SNAP91: variants seen among roughly 807,000 people sequenced by gnomAD.
The protein encoded by SNAP91 is clathrin coat assembly protein AP180.
SNAP91 carries 27 observed loss-of-function variants against 100.3 expected under a neutral mutation model. That is an observed-to-expected ratio of 0.27 (90% CI 0.20 to 0.37). The LOEUF (loss-of-function observed/expected upper bound fraction) is 0.37. Among genes scored for constraint, SNAP91 ranks in the 10% least tolerant of loss-of-function variants. The pLI is 1.00. For synonymous variants in SNAP91, 404 were observed against 398.6 expected (o/e 1.01, Z -0.16); for missense variants, 986 against 1,123.7 (o/e 0.88, Z 1.75).
At position 83,595,751 on chromosome 6, in the gene SNAP91, C is replaced by T. The variant is rs764819459; in HGVS notation, c.1325-1270G>A. 5.3e-5 allele frequency among the ~76,000 whole-genome samples: 8 copies of T among 152,180 alleles called. No homozygotes were observed. The South Asian group carries it at 8.3e-4, about 16-fold the overall frequency. ...TCATATATACTTGGGAAGGGCTACA[C>T]AGTACATGCTCTTCCTTGGTGATTT... is the stretch of plus-strand genomic sequence containing the variant. On this transcript the variant is annotated intron_variant, in intron 16 of 29. Coordinates refer to ENST00000369694, the MANE Select transcript of SNAP91 (RefSeq NM_001242792.2).
At chr6:83,651,604 T>C (rs890275104) in intron 7 of SNAP91, among the ~76,000 whole-genome samples, 2 of 152,192 alleles carry the variant, frequency 1.3e-5, no homozygotes, top group Admixed American at 6.5e-5. Flanking sequence ...TGAGAGCAGA[T>C]GGTTGTATGA....
chr6:83,599,181 T>C (rs1007360961), intron 16 of SNAP91, among the ~76,000 whole-genome samples: 4 of 152,080 alleles, frequency 2.6e-5, no homozygotes, highest in African/African-American at 9.7e-5. Context: ...CAGAAATAAA[T>C]GACAAACAAA....
chr6:83,676,452 C>T (rs928027743), intron 2 of SNAP91, among the ~76,000 whole-genome samples: 2 of 152,150 alleles, frequency 1.3e-5, no homozygotes, highest in Admixed American at 6.5e-5. Flanking sequence ...AGAAAGCCAG[C>T]GATTCAGTCA....
intron 2 of SNAP91, among the ~76,000 whole-genome samples, chr6:83,697,580 G>A (rs900638612): frequency 3.3e-5 from 5 of 151,830 alleles, no homozygotes; most frequent in Non-Finnish European, 7.4e-5. Flanking sequence ...AGATTAAATC[G>A]TTGTCAGATC....
At chr6:83,674,224 A>G (rs1229236075) in intron 2 of SNAP91, among the ~76,000 whole-genome samples, 1 of 152,038 alleles carries the variant, frequency 6.6e-6, no homozygotes, top group African/African-American at 2.4e-5. Context: ...CGGGAGTTTG[A>G]AACCTGATCT....
At chr6:83,679,321 T>C (rs73751575) in intron 2 of SNAP91, among the ~76,000 whole-genome samples, 1 of 152,246 alleles carries the variant, frequency 6.6e-6, no homozygotes, top group African/African-American at 2.4e-5. Context: ...TCCATAAATA[T>C]CCTTAATTCC....
intron 26 of SNAP91, among the ~76,000 whole-genome samples, chr6:83,566,761 C>A (rs1797213925): frequency 6.6e-6 from 1 of 152,116 alleles, no homozygotes; most frequent in African/African-American, 2.4e-5. Flanking sequence ...CTTTACCAAT[C>A]AGAAATTGCC....
chr6:83,557,740 T>G (rs9444088), intron 28 of SNAP91, among the ~76,000 whole-genome samples: 24,904 of 151,750 alleles, frequency 0.16, 2,267 homozygotes, highest in East Asian at 0.26. Flanking sequence ...TAGAGAGAGA[T>G]ATATATATAA....
intron 14 of SNAP91, among the ~76,000 whole-genome samples, chr6:83,603,755 A>T (rs2095438438): frequency 1.3e-5 from 2 of 152,180 alleles, no homozygotes; most frequent in Non-Finnish European, 2.9e-5. Context: ...GCTGGATTTC[A>T]GCCCCCTTGC....
At chr6:83,601,671 G>A in intron 14 of SNAP91, 72 bp from the exon 15 acceptor site, 2 of 1,438,036 alleles carry the variant, frequency 1.4e-6, no homozygotes, top group African/African-American at 1.4e-5. Flanking sequence ...CCATACCAAT[G>A]TCCAAGCCAG....
intron 2 of SNAP91, among the ~76,000 whole-genome samples, chr6:83,667,704 G>A (rs559634566): frequency 2.0e-5 from 3 of 152,068 alleles, no homozygotes; most frequent in East Asian, 1.9e-4. Context: ...TGTTACATAC[G>A]TATATATGTG....
At chr6:83,628,025 T>A (rs1277682349) in intron 8 of SNAP91, among the ~76,000 whole-genome samples, 2 of 151,492 alleles carry the variant, frequency 1.3e-5, no homozygotes, top group Non-Finnish European at 2.9e-5. Flanking sequence ...TTCCCCCTGA[T>A]TTCCTCAAAG....
In SNAP91 at chr6:83,690,231, C is replaced by T. The variant is rs183842799; in HGVS notation, c.130+17567G>A. On this transcript the variant is annotated intron_variant, in intron 2 of 29. Transcript: ENST00000369694. ...TTTCAGGGAATACTTACTAATACTA[C>T]TATGATGAACAAATCTCTTCTTGAG... The T allele has an allele frequency of 5.1e-3, 5,409 of 1,066,778 alleles. 51 individuals are homozygous for T. The highest frequency in any genetic ancestry group is 0.027 in the South Asian group (1,242 of 45,528). The allele number at this position is 1,066,778 out of a possible 1,614,324, so 66.1% of individuals were successfully genotyped here.
chr6:83,572,065 C>G (rs1226852383), intron 26 of SNAP91, among the ~76,000 whole-genome samples: 2 of 152,156 alleles, frequency 1.3e-5, no homozygotes, highest in African/African-American at 2.4e-5. Context: ...TCCATTAAAC[C>G]TCTTTTTCTT....
intron 27 of SNAP91, 146 bp downstream of exon 27, chr6:83,560,718 T>C: frequency 1.5e-6 from 1 of 686,906 alleles, no homozygotes; most frequent in Non-Finnish European, 2.6e-6. Flanking sequence ...GTAGACTACC[T>C]AAGGTTTAAA....
chr6:83,660,345 T>C (rs764874389), intron 5 of SNAP91, among the ~76,000 whole-genome samples: 1 of 152,180 alleles, frequency 6.6e-6, no homozygotes, highest in African/African-American at 2.4e-5. Flanking sequence ...ATAAATTATT[T>C]TGAATAGGCA....
At chr6:83,688,863 C>A (rs890722072) in intron 2 of SNAP91, among the ~76,000 whole-genome samples, 2 of 152,082 alleles carry the variant, frequency 1.3e-5, no homozygotes, top group Non-Finnish European at 2.9e-5. Flanking sequence ...GTCATACCAC[C>A]ACGATAGCAC....
intron 2 of SNAP91, among the ~76,000 whole-genome samples, chr6:83,677,828 A>G (rs2098931565): frequency 6.6e-6 from 1 of 152,220 alleles, no homozygotes. Flanking sequence ...ATTTACAGGA[A>G]TAGAACTTTA....
At chr6:83,594,245 T>G in intron 17 of SNAP91, 129 bp downstream of exon 17, 2 of 694,914 alleles carry the variant, frequency 2.9e-6, no homozygotes, top group Non-Finnish European at 4.9e-6. Context: ...CATTATTTAT[T>G]TAGTTATGAT....
Sources: gnomAD v4.1 joint callset for allele counts (sites outside exome capture counted in the v4.1 genomes callset) on GRCh38, gnomAD v4.1.1 for gene constraint, MANE v1.5 for transcripts, NCBI Gene and HGNC (gene_info 2026-07-23, HGNC 2026-07-21) for gene names.